The following CENPC variants were observed in gnomAD, a reference collection of about 807,000 sequenced individuals.
The protein encoded by CENPC is centromere protein C, also known as CENP-C 1.
In CENPC, 63 loss-of-function variants were observed where a neutral mutation model predicts 112.1. That is an observed-to-expected ratio of 0.56 (90% CI 0.46 to 0.69). The LOEUF is 0.69. Ranked by LOEUF, CENPC falls within the 30% of genes least tolerant of loss-of-function variation. The pLI is 0.00. For synonymous variants in CENPC, 333 were observed against 367.6 expected, an observed-to-expected ratio of 0.91 and a Z score of 1.08; for missense variants, 1,000 against 1,103.8, an observed-to-expected ratio of 0.91 and a Z score of 1.33.
chr4:67,478,666 A>ACACACACC (rs146500743), intron 17 of CENPC, among the ~76,000 whole-genome samples: 101 of 76,638 alleles, frequency 1.3e-3, no homozygotes, highest in African/African-American at 3.5e-3. Flanking sequence ...ACACACACAC[A>ACACACACC]CCCAAAGTAT....
intron 4 of CENPC, among the ~76,000 whole-genome samples, chr4:67,531,445 C>A (rs1726545895): frequency 6.6e-6 from 1 of 152,198 alleles, no homozygotes. Flanking sequence ...CCTTGGTTGG[C>A]ATCTGGAGAC....
chr4:67,506,687 T>G, intron 11 of CENPC, 101 bp downstream of exon 11: 1 of 989,518 alleles, frequency 1.0e-6, no homozygotes, highest in Non-Finnish European at 1.4e-6. Context: ...AATAAGTGTT[T>G]TTAAGCTTTT....
chr4:67,483,359 G>GA (rs60562461), intron 17 of CENPC, among the ~76,000 whole-genome samples: 4 of 149,716 alleles, frequency 2.7e-5, no homozygotes, highest in Admixed American at 6.6e-5. Flanking sequence ...CTCAATGAAA[G>GA]AAAAAAAAAA....
intron 17 of CENPC, among the ~76,000 whole-genome samples, chr4:67,478,068 CAT>C (rs1039238494): frequency 3.3e-5 from 5 of 151,608 alleles, no homozygotes; most frequent in Non-Finnish European, 5.9e-5. Context: ...AACGACCACA[CAT>C]AAGAATAATT....
chr4:67,492,293 T>G lies in CENPC; in HGVS notation c.2420-18A>C. On this transcript the variant is annotated intron_variant, in intron 15 of 18. Transcript: ENST00000273853. ...GTTAGTCTCTGCAAAAGAAATACCATTGAAATACAAACTACTTACTTAAAA... is the reference window on the plus strand; with the variant it reads ...GTTAGTCTCTGCAAAAGAAATACCAGTGAAATACAAACTACTTACTTAAAA... 1 of 1,464,282 alleles carries G rather than the reference T, an allele frequency of 6.8e-7. No individual in the cohort carries two copies. Among genetic ancestry groups the G allele is most frequent in the Non-Finnish European group, 9.3e-7 (1 of 1,070,780 alleles). 90.7% of individuals were successfully genotyped at this position (1,464,282 alleles called of 1,614,324 possible). A position where few individuals can be genotyped will look rare whatever the true frequency, so the allele number is the denominator to read the frequency against.
At chr4:67,486,426 C>T (rs1342776803) in intron 17 of CENPC, among the ~76,000 whole-genome samples, 1 of 152,182 alleles carries the variant, frequency 6.6e-6, no homozygotes, top group African/African-American at 2.4e-5. Flanking sequence ...AGTTAATAGT[C>T]AAATTTCCAA....
intron 17 of CENPC, among the ~76,000 whole-genome samples, chr4:67,489,197 TACACACACAC>T (rs33944071): frequency 4.0e-5 from 6 of 148,374 alleles, no homozygotes; most frequent in Non-Finnish European, 9.0e-5. Context: ...CTGTTATACA[TACACACACAC>T]ACACACACAC....
chr4:67,501,462 T>C (rs1271048068), intron 12 of CENPC, among the ~76,000 whole-genome samples: 3 of 152,164 alleles, frequency 2.0e-5, no homozygotes, highest in Non-Finnish European at 2.9e-5. Flanking sequence ...CATTTGATCA[T>C]GAGTTAAGTT....
At chr4:67,505,820 A>C (rs980995621) in intron 11 of CENPC, among the ~76,000 whole-genome samples, 14 of 152,334 alleles carry the variant, frequency 9.2e-5, no homozygotes, top group Non-Finnish European at 1.3e-4. Flanking sequence ...GTTGAGCATC[A>C]TAAGTACTGA....
At chr4:67,516,673 T>C in intron 7 of CENPC, among the ~76,000 whole-genome samples, 1 of 152,002 alleles carries the variant, frequency 6.6e-6, no homozygotes, top group Non-Finnish European at 1.5e-5. Flanking sequence ...ATACAAATAC[T>C]ACAATGAATG....
rs990501859 is a variant in CENPC at position 67,472,515 on chromosome 4, C to G, written c.*90G>C. 9 of 1,269,930 alleles carry G rather than the reference C, an allele frequency of 7.1e-6. No individual in the cohort carries two copies. The highest frequency in any genetic ancestry group is 9.1e-6 in the Non-Finnish European group (9 of 994,414). 78.7% of individuals were successfully genotyped at this position (1,269,930 alleles called of 1,614,324 possible). A position where few individuals can be genotyped will look rare whatever the true frequency, so the allele number is the denominator to read the frequency against. Reference sequence around the variant, plus strand: ...ATAAAATTTTTATTTTAAAACATCACAAGTAATTACAAAGACAAATATTCC... The same window carrying G: ...ATAAAATTTTTATTTTAAAACATCAGAAGTAATTACAAAGACAAATATTCC... On this transcript the variant is annotated 3_prime_UTR_variant, in exon 19 of 19. Transcript: ENST00000273853.
intron 4 of CENPC, among the ~76,000 whole-genome samples, chr4:67,536,252 A>G (rs1049300153): frequency 2.0e-5 from 3 of 152,172 alleles, no homozygotes; most frequent in Non-Finnish European, 1.5e-5. Flanking sequence ...AAATTATAAA[A>G]TGTCAAAACT....
chr4:67,516,242 G>C (rs1462876210), intron 7 of CENPC, among the ~76,000 whole-genome samples: 2 of 151,926 alleles, frequency 1.3e-5, no homozygotes, highest in African/African-American at 4.9e-5. Flanking sequence ...TTATTCCAAG[G>C]ACAGTAATCT....
rs1727007092 is a variant in CENPC, at chr4:67,545,432, G to C, written c.-77C>G. The C allele has an allele frequency of 8.6e-6, 12 of 1,400,456 alleles. No individual in the cohort carries two copies. The highest frequency in any genetic ancestry group is 1.0e-5 in the Non-Finnish European group (11 of 1,060,512). 86.8% of individuals were successfully genotyped at this position (1,400,456 alleles called of 1,614,324 possible). ...ACCACAGCTCCAGGAAGCCGAGCAA[G>C]AAACGAATCGCCGGAATACCAGGCC... On this transcript the variant is annotated 5_prime_UTR_variant, in exon 1 of 19. Coordinates refer to ENST00000273853, the MANE Select transcript of CENPC (RefSeq NM_001812.4).
At position 67,535,732 on chromosome 4, in the gene CENPC, T is replaced by A. The variant is rs143594585; in HGVS notation, c.231+4108A>T. Among the ~76,000 whole-genome samples, 641 of 152,248 alleles carry A rather than the reference T, an allele frequency of 4.2e-3. 3 individuals are homozygous for A. Among genetic ancestry groups the A allele is most frequent in the African/African-American group, 0.015 (623 of 41,558 alleles). ...CTAAAAATTATGATGTACTAAAGAA[T>A]GGAAGTTTATGTGTTGTGGTCGGAA... On this transcript the variant is annotated intron_variant, in intron 4 of 18. Coordinates refer to ENST00000273853, the MANE Select transcript of CENPC (RefSeq NM_001812.4).
At chr4:67,481,584 C>G (rs1212644161) in intron 17 of CENPC, among the ~76,000 whole-genome samples, 1 of 151,996 alleles carries the variant, frequency 6.6e-6, no homozygotes, top group Non-Finnish European at 1.5e-5. Flanking sequence ...TGAATAGAGC[C>G]TAGAAGTAAA....
chr4:67,535,584 C>A (rs1726695042), intron 4 of CENPC, among the ~76,000 whole-genome samples: 1 of 151,906 alleles, frequency 6.6e-6, no homozygotes, highest in African/African-American at 2.4e-5. Flanking sequence ...AATGGAAAAA[C>A]CAAAATTAAA....
At chr4:67,477,938 C>T (rs922433133) in intron 17 of CENPC, among the ~76,000 whole-genome samples, 4 of 151,058 alleles carry the variant, frequency 2.6e-5, no homozygotes, top group African/African-American at 9.7e-5. Context: ...TAGAATCGAA[C>T]GAGTAGAAGA....
At chr4:67,507,902 G>A (rs1346024103) in intron 10 of CENPC, among the ~76,000 whole-genome samples, 1 of 152,090 alleles carries the variant, frequency 6.6e-6, no homozygotes, top group East Asian at 1.9e-4. Flanking sequence ...GAAACAGAAT[G>A]GGTATGGGAT....
Sources: gnomAD v4.1 joint callset for allele counts (sites outside exome capture counted in the v4.1 genomes callset) on GRCh38, gnomAD v4.1.1 for gene constraint, MANE v1.5 for transcripts, NCBI Gene and HGNC (gene_info 2026-07-23, HGNC 2026-07-21) for gene names.